The following HIRA variants were observed in gnomAD, a reference collection of about 807,000 sequenced individuals.
HIRA encodes the protein protein HIRA.
HIRA carries 13 observed loss-of-function variants against 126.6 expected under a neutral mutation model. That is an observed-to-expected ratio of 0.10 (90% confidence interval 0.07 to 0.16). HIRA has a LOEUF of 0.16. HIRA is among the 10% of genes least tolerant of loss of function. The pLI is 1.00. For synonymous variants in HIRA, 511 were observed against 520.0 expected (o/e 0.98, Z 0.24); for missense variants, 834 against 1,314.4 (o/e 0.63, Z 5.65).
intron 1 of HIRA, among the ~76,000 whole-genome samples, chr22:19,416,481 T>C (rs537425312): frequency 6.6e-6 from 1 of 152,016 alleles, no homozygotes; most frequent in Admixed American, 6.6e-5. Context: ...CAACCACGCC[T>C]GGTGCGCACC....
intron 8 of HIRA, 36 bp downstream of exon 8, chr22:19,394,306 T>A: frequency 6.2e-7 from 1 of 1,603,748 alleles, no homozygotes; most frequent in Non-Finnish European, 8.5e-7. Flanking sequence ...TGCTGAATCT[T>A]GGAGCCCATC....
chr22:19,393,064 G>A (rs963332459), intron 8 of HIRA, among the ~76,000 whole-genome samples: 2 of 152,146 alleles, frequency 1.3e-5, no homozygotes, highest in Admixed American at 6.5e-5. Flanking sequence ...ACTCAGAGGC[G>A]TGTCCCTGGG....
In HIRA at chr22:19,385,806, G is replaced by A; in HGVS notation, c.1114-70C>T. Reference sequence around the variant, plus strand: ...TGTGGCCAGTGCTGCCCACCAGCAGGCAAACTACAGCAGGGCTCTCCTGGC... The same window carrying A: ...TGTGGCCAGTGCTGCCCACCAGCAGACAAACTACAGCAGGGCTCTCCTGGC... On this transcript the variant is annotated intron_variant, in intron 11 of 24. Coordinates refer to ENST00000263208, the MANE Select transcript of HIRA (RefSeq NM_003325.4). The A allele has an allele frequency of 3.5e-6, 5 of 1,414,834 alleles. No individual in the cohort carries two copies. The South Asian group carries it at 4.9e-5, about 14-fold the overall frequency. 87.6% of individuals were successfully genotyped at this position (1,414,834 alleles called of 1,614,324 possible). A position where few individuals can be genotyped will look rare whatever the true frequency, so the allele number is the denominator to read the frequency against.
chr22:19,355,687 C>T (rs1169634335), intron 21 of HIRA, 73 bp downstream of exon 21: 14 of 1,133,800 alleles, frequency 1.2e-5, no homozygotes, highest in East Asian at 4.8e-5. Context: ...CTGTAGGCCA[C>T]GACCCTTTGC....
rs1342669777 is a variant in HIRA, at chr22:19,331,124, C to T, written c.*316G>A. Reference sequence around the variant, plus strand: ...TGCCTGCAGCAGCAGGGGCTAGTGTCCACCTTGGGGCCGTGCTGGAGACGG... The same window carrying T: ...TGCCTGCAGCAGCAGGGGCTAGTGTTCACCTTGGGGCCGTGCTGGAGACGG... On this transcript the variant is annotated 3_prime_UTR_variant, in exon 25 of 25. Coordinates refer to ENST00000263208, the MANE Select transcript of HIRA (RefSeq NM_003325.4). The T allele has an allele frequency of 3.1e-6, 4 of 1,282,802 alleles. No homozygotes were observed. Among genetic ancestry groups the T allele is most frequent in the African/African-American group, 3.0e-5 (2 of 66,612 alleles). 79.5% of individuals were successfully genotyped at this position (1,282,802 alleles called of 1,614,324 possible).
chr22:19,333,100 G>C (rs969785872), intron 24 of HIRA, among the ~76,000 whole-genome samples: 5 of 152,072 alleles, frequency 3.3e-5, no homozygotes. Flanking sequence ...GTAGAGCGGG[G>C]TTTCACCTTG....
At position 19,413,672 on chromosome 22, in the gene HIRA, C is replaced by T. The variant is rs139480313; in HGVS notation, c.38-2894G>A. On this transcript the variant is annotated intron_variant, in intron 1 of 24. Transcript: ENST00000263208. Reference sequence around the variant, plus strand: ...TGTCGCCCAGGCTAGAGTGCAGTGGCGTGATCTCCACTCACTGCAAGCTCC... The same window carrying T: ...TGTCGCCCAGGCTAGAGTGCAGTGGTGTGATCTCCACTCACTGCAAGCTCC... Among the ~76,000 whole-genome samples the T allele has an allele frequency of 3.4e-3, 512 of 151,912 alleles. 19 individuals are homozygous for T. The East Asian group carries it at 0.068, about 20-fold the overall frequency.
intron 1 of HIRA, 27 bp downstream of exon 1, chr22:19,431,413 C>T (rs1601870243): frequency 6.2e-7 from 1 of 1,606,906 alleles, no homozygotes; most frequent in Non-Finnish European, 8.5e-7. Context: ...CCGGGCTCGG[C>T]CTCCCGCGAC....
Position 19,410,788 on chromosome 22 carries a change from AAG to A in HIRA, c.38-12_38-11del, listed in dbSNP as rs72091051. On this transcript the variant is annotated splice_polypyrimidine_tract_variant and intron_variant, in intron 1 of 24. Transcript: ENST00000263208. Reference sequence around the variant, plus strand: ...GAAAAAATCGGCTTGCCTGGAAACAAAGAAAAAAAAATACAGTATCTAAATTG... The same window carrying A: ...GAAAAAATCGGCTTGCCTGGAAACAAAAAAAAAAATACAGTATCTAAATTG... The A allele has an allele frequency of 3.5e-3, 5,638 of 1,612,162 alleles. 70 individuals are homozygous for A. In the East Asian group the frequency reaches 0.073, roughly 21 times the overall value.
intron 9 of HIRA, among the ~76,000 whole-genome samples, chr22:19,390,363 C>T (rs925828805): frequency 2.6e-4 from 39 of 152,032 alleles, no homozygotes; most frequent in African/African-American, 6.7e-4. Flanking sequence ...GAGGCCAAGG[C>T]GGGCGGATCA....
intron 24 of HIRA, among the ~76,000 whole-genome samples, chr22:19,342,136 A>T (rs2146173715): frequency 6.6e-6 from 1 of 152,268 alleles, no homozygotes; most frequent in South Asian, 2.1e-4. Context: ...TAAAAAGTGG[A>T]CAAAGAACAT....
chr22:19,362,961 C>T lies in HIRA; in HGVS notation c.1776-1030G>A, dbSNP rs368322680. On this transcript the variant is annotated intron_variant, in intron 15 of 24. Coordinates refer to ENST00000263208, the MANE Select transcript of HIRA (RefSeq NM_003325.4). ...TAAAAAAAAAGAATAAGGCCGGGCACGGTGGCTCACGCCTGTAATCCCAGC... is the reference window on the plus strand; with the variant it reads ...TAAAAAAAAAGAATAAGGCCGGGCATGGTGGCTCACGCCTGTAATCCCAGC... Among the ~76,000 whole-genome samples the T allele has an allele frequency of 2.6e-5, 4 of 151,344 alleles. No individual in the cohort carries two copies. In the East Asian group the frequency reaches 5.8e-4, roughly 22 times the overall value.
intron 24 of HIRA, among the ~76,000 whole-genome samples, chr22:19,347,072 C>A (rs995459210): frequency 2.0e-5 from 3 of 152,196 alleles, no homozygotes; most frequent in South Asian, 4.1e-4. Context: ...TGGGCTAAGG[C>A]TGACAGAATG....
intron 24 of HIRA, among the ~76,000 whole-genome samples, chr22:19,332,919 A>AT (rs2088509400): frequency 6.6e-6 from 1 of 152,104 alleles, no homozygotes; most frequent in African/African-American, 2.4e-5. Flanking sequence ...TATTTTATAT[A>AT]TTTTTTTGAG....
Position 19,387,813 on chromosome 22 carries a change from A to G in HIRA, c.1011T>C (p.Thr337=). 1.2e-6 allele frequency: 2 copies of G among 1,610,786 alleles called. No homozygotes were observed. Among genetic ancestry groups the G allele is most frequent in the Non-Finnish European group, 1.7e-6 (2 of 1,178,436 alleles). ...FDKSIMDISW[T]LNGLGILVCS... ...ATACCAAGATGCCCAGCCCATTCAGAGTCCTGAAAGACATGGCCATCAGCA... is the reference window on the plus strand; with the variant it reads ...ATACCAAGATGCCCAGCCCATTCAGGGTCCTGAAAGACATGGCCATCAGCA... The change falls in exon 11 of 25, where the codon ACT becomes ACC. Residue 337 remains threonine (T), a synonymous_variant. Coordinates refer to ENST00000263208, the MANE Select transcript of HIRA (RefSeq NM_003325.4).
In HIRA at chr22:19,404,754, C is replaced by T. The variant is rs1478248134; in HGVS notation, c.397+1032G>A. 3.9e-5 allele frequency among the ~76,000 whole-genome samples: 6 copies of T among 152,298 alleles called. No homozygotes were observed. In the East Asian group the frequency reaches 5.8e-4, roughly 15 times the overall value. ...GGCAACTCCATTCTGAACTGGTATC[C>T]GTCCCCATAAGCCTGTTGTCCTTAG... On this transcript the variant is annotated intron_variant, in intron 5 of 24. Transcript: ENST00000263208.
rs1325514690 is a variant in HIRA at position 19,352,525 on chromosome 22, T to C, written c.2848+831A>G. Among the ~76,000 whole-genome samples, 5 of 152,078 alleles carry C rather than the reference T, an allele frequency of 3.3e-5. No individual in the cohort carries two copies. The East Asian group carries it at 9.6e-4, about 29-fold the overall frequency. ...GGAGGGGAGGCTTCAAGTTGATCAG[T>C]AATATTTGCTGTCGTTTACAAGTGT... On this transcript the variant is annotated intron_variant, in intron 23 of 24. Transcript: ENST00000263208.
chr22:19,423,577 G>A (rs912051643), intron 1 of HIRA, among the ~76,000 whole-genome samples: 27 of 152,006 alleles, frequency 1.8e-4, no homozygotes, highest in African/African-American at 6.0e-4. Context: ...TTTTCCATGT[G>A]AGACCTTCTG....
intron 17 of HIRA, 122 bp downstream of exon 17, chr22:19,361,115 G>T: frequency 1.3e-6 from 1 of 752,360 alleles, no homozygotes; most frequent in East Asian, 2.6e-5. Context: ...TCTCCCAGAA[G>T]GTGATGGAGA....
Sources: gnomAD v4.1 joint callset for allele counts (sites outside exome capture counted in the v4.1 genomes callset) on GRCh38, gnomAD v4.1.1 for gene constraint, MANE v1.5 for transcripts, NCBI Gene and HGNC (gene_info 2026-07-23, HGNC 2026-07-21) for gene names.